Variants in C17orf75 observed in about 807,000 individuals in gnomAD.
C17orf75 encodes protein Njmu-R1.
Under a neutral mutation model 49.6 loss-of-function variants are expected in C17orf75, and 32 were observed. The ratio of observed to expected loss-of-function variants is 0.65; its 90% CI spans 0.49 to 0.87. The LOEUF is 0.87. Ranked by LOEUF, C17orf75 falls within the 40% of genes least tolerant of loss-of-function variation. C17orf75 has a pLI of 0.00. For synonymous variants in C17orf75, 158 were observed against 159.5 expected (o/e 0.99, Z 0.07); for missense variants, 428 against 473.9 (o/e 0.90, Z 0.90).
At position 32,329,106 on chromosome 17, in the gene C17orf75, G is replaced by A. The variant is rs1439102686; in HGVS notation, c.*2657C>T. ...TTTTGAGACGGAGTCTCGCTCTGTCGCCCAGGCTTGAGTGCAGTGGTGTGA... is the reference window on the plus strand; with the variant it reads ...TTTTGAGACGGAGTCTCGCTCTGTCACCCAGGCTTGAGTGCAGTGGTGTGA... On this transcript the variant is annotated 3_prime_UTR_variant, in exon 10 of 10. Coordinates refer to ENST00000577809, the MANE Select transcript of C17orf75 (RefSeq NM_022344.4). The A allele has an allele frequency of 2.0e-5, 3 of 148,470 alleles. No individual in the cohort carries two copies. The highest frequency in any genetic ancestry group is 4.5e-5 in the Non-Finnish European group (3 of 67,368). The allele number at this position is 148,470 out of a possible 1,614,324, so 9.2% of individuals were successfully genotyped here.
At chr17:32,347,307 T>C (rs968087368) in intron 1 of C17orf75, among the ~76,000 whole-genome samples, 2 of 151,252 alleles carry the variant, frequency 1.3e-5, no homozygotes, top group African/African-American at 4.9e-5. Flanking sequence ...AGATGGAGTT[T>C]CACTCTTATT....
At chr17:32,333,276 G>A (rs1365198913) in intron 9 of C17orf75, 141 bp downstream of exon 9, 2 of 629,008 alleles carry the variant, frequency 3.2e-6, no homozygotes, top group Non-Finnish European at 5.6e-6. Flanking sequence ...TAAAGTAAAT[G>A]TCTTCTGATA....
At chr17:32,341,811 CG>C in intron 1 of C17orf75, 188 bp downstream of exon 1, 1 of 1,061,538 alleles carries the variant, frequency 9.4e-7, no homozygotes, top group Non-Finnish European at 1.1e-6. Flanking sequence ...AAGTCCACGA[CG>C]GGGGCCAGGA....
Position 32,331,545 on chromosome 17 carries a change from C to T in C17orf75, c.*218G>A, listed in dbSNP as rs1597731691. 4.4e-6 allele frequency: 2 copies of T among 453,988 alleles called. No individual in the cohort carries two copies. The highest frequency in any genetic ancestry group is 7.8e-6 in the Non-Finnish European group (2 of 257,916). The allele number at this position is 453,988 out of a possible 1,614,324, so 28.1% of individuals were successfully genotyped here. ...TGGAATTTATGGGGCCAGTGAGACA[C>T]TAAAATTTCACAACTCTCACATACA... On this transcript the variant is annotated 3_prime_UTR_variant, in exon 10 of 10. Coordinates refer to ENST00000577809, the MANE Select transcript of C17orf75 (RefSeq NM_022344.4).
chr17:32,349,293 CTTTCTTA>C (rs936478520), intron 1 of C17orf75, among the ~76,000 whole-genome samples: 3 of 152,036 alleles, frequency 2.0e-5, no homozygotes, highest in African/African-American at 7.2e-5. Context: ...CTCAAGAAAC[CTTTCTTA>C]TGTCGGGCGC....
rs943245524 is a variant in C17orf75, at chr17:32,331,538, T to G, written c.*225A>C. The G allele has an allele frequency of 2.9e-5, 13 of 443,124 alleles. No homozygotes were observed. The highest frequency in any genetic ancestry group is 2.8e-4 in the East Asian group (8 of 28,510). 27.4% of individuals were successfully genotyped at this position (443,124 alleles called of 1,614,324 possible). On this transcript the variant is annotated 3_prime_UTR_variant, in exon 10 of 10. Coordinates refer to ENST00000577809, the MANE Select transcript of C17orf75 (RefSeq NM_022344.4). Reference sequence around the variant, plus strand: ...TGAAGCGTGGAATTTATGGGGCCAGTGAGACACTAAAATTTCACAACTCTC... The same window carrying G: ...TGAAGCGTGGAATTTATGGGGCCAGGGAGACACTAAAATTTCACAACTCTC...
At position 32,339,799 on chromosome 17, in the gene C17orf75, C is replaced by T. The variant is rs1452039053; in HGVS notation, c.347+14G>A. 3 of 1,613,202 alleles carry T rather than the reference C, an allele frequency of 1.9e-6. No individual in the cohort carries two copies. The highest frequency in any genetic ancestry group is 2.5e-6 in the Non-Finnish European group (3 of 1,179,652). Reference sequence around the variant, plus strand: ...AGAAATAAAAACTCAGGACACAGCACATTTTGCACTTACTTTAGCTCCACA... The same window carrying T: ...AGAAATAAAAACTCAGGACACAGCATATTTTGCACTTACTTTAGCTCCACA... On this transcript the variant is annotated intron_variant, in intron 3 of 9. Coordinates refer to ENST00000577809, the MANE Select transcript of C17orf75 (RefSeq NM_022344.4).
intron 2 of C17orf75, among the ~76,000 whole-genome samples, chr17:32,340,239 C>T (rs546624776): frequency 6.6e-6 from 1 of 152,352 alleles, no homozygotes; most frequent in South Asian, 2.1e-4. Context: ...TCACTTCCCT[C>T]CTTATTCTGC....
At chr17:32,337,836 C>T (rs1047455469) in intron 5 of C17orf75, 61 bp downstream of exon 5, 45 of 1,450,448 alleles carry the variant, frequency 3.1e-5, no homozygotes, top group Non-Finnish European at 3.7e-5. Flanking sequence ...GGATTACAGG[C>T]GTGAGCCACT....
upstream of C17orf75, chr17:32,343,629 G>C (rs899618082): frequency 2.5e-5 from 13 of 517,046 alleles, no homozygotes. Context: ...GAACAAGTGA[G>C]TATAGCAGTC....
rs2041278236 is a variant in C17orf75 at position 32,331,996 on chromosome 17, A to G, written c.976-18T>C. ...TGTATGGCCTAGAAAATGATTACCCAGTTAAAAATGTGTTAAGTGAAATAA... is the reference window on the plus strand; with the variant it reads ...TGTATGGCCTAGAAAATGATTACCCGGTTAAAAATGTGTTAAGTGAAATAA... On this transcript the variant is annotated intron_variant, in intron 9 of 9. Transcript: ENST00000577809. 6 of 1,583,424 alleles carry G rather than the reference A, an allele frequency of 3.8e-6. No individual in the cohort carries two copies. The highest frequency in any genetic ancestry group is 5.2e-6 in the Non-Finnish European group (6 of 1,157,828).
chr17:32,334,643 G>A (rs2041308902), intron 7 of C17orf75, 38 bp from the exon 8 acceptor site: 3 of 1,606,144 alleles, frequency 1.9e-6, no homozygotes, highest in African/African-American at 2.7e-5. Flanking sequence ...AAACAATATT[G>A]CAGGACGGAA....
chr17:32,342,177 C>T, upstream of C17orf75: 1 of 1,507,898 alleles, frequency 6.6e-7, no homozygotes. Context: ...CTCCGCCAAA[C>T]CGCTCCCCTG....
At chr17:32,341,307 T>C (rs768386839) in intron 1 of C17orf75, 23 bp from the exon 2 acceptor site, 35 of 1,612,918 alleles carry the variant, frequency 2.2e-5, no homozygotes, top group Non-Finnish European at 3.0e-5. Context: ...AAACCAATAG[T>C]GCTATCAATT....
At position 32,331,714 on chromosome 17, in the gene C17orf75, T is replaced by C. The variant is rs2041274947; in HGVS notation, c.*49A>G. 1 of 1,455,534 alleles carries C rather than the reference T, an allele frequency of 6.9e-7. No homozygotes were observed. Among genetic ancestry groups the C allele is most frequent in the African/African-American group, 1.4e-5 (1 of 71,560 alleles). 90.2% of individuals were successfully genotyped at this position (1,455,534 alleles called of 1,614,324 possible). On this transcript the variant is annotated 3_prime_UTR_variant, in exon 10 of 10. Transcript: ENST00000577809. Reference sequence around the variant, plus strand: ...CAATTATAACTGCAATTTCAAACACTAAGACTTAAATATACAACTTGATCA... The same window carrying C: ...CAATTATAACTGCAATTTCAAACACCAAGACTTAAATATACAACTTGATCA...
At chr17:32,348,454 C>T in intron 1 of C17orf75, among the ~76,000 whole-genome samples, 1 of 152,126 alleles carries the variant, frequency 6.6e-6, no homozygotes, top group Admixed American at 6.6e-5. Flanking sequence ...TGGCTCCTAC[C>T]CCAGAGGCTG....
At chr17:32,343,678 G>A, upstream of C17orf75, 1 of 552,146 alleles carries the variant, frequency 1.8e-6, no homozygotes, top group South Asian at 2.2e-5. Flanking sequence ...TTACTGCCAT[G>A]TCTTCATTCG....
upstream of C17orf75, among the ~76,000 whole-genome samples, chr17:32,344,819 C>T (rs770432475): frequency 2.3e-4 from 34 of 149,392 alleles, no homozygotes; most frequent in Non-Finnish European, 4.5e-4. Flanking sequence ...AGGCAGAAGA[C>T]TCACTTGAAC....
rs763147068 is a variant in C17orf75, at chr17:32,342,042, G to T, written c.98C>A (p.Pro33Gln). 3 of 1,551,446 alleles carry T rather than the reference G, an allele frequency of 1.9e-6. No homozygotes were observed. In the African/African-American group the frequency reaches 4.1e-5, roughly 21 times the overall value. Reference protein sequence around the residue: ...GSAEERRLEPPSSSHYCLYSY... With the variant: ...GSAEERRLEPQSSSHYCLYSY... ...GTAAAGACAGTAGTGGCTGCTGGAC[G>T]GCGGCTCGAGTCTCCGCTCCTCGGC... The change falls in exon 1 of 10, where the codon CCG becomes CAG. Residue 33 changes from proline (P) to glutamine (Q), a missense_variant. By Grantham distance (76) the Pro-to-Gln change is moderately conservative. Coordinates refer to ENST00000577809, the MANE Select transcript of C17orf75 (RefSeq NM_022344.4).
Sources: allele counts gnomAD v4.1 joint callset (sites outside exome capture counted in the v4.1 genomes callset), GRCh38; gene constraint gnomAD v4.1.1; transcripts MANE v1.5; gene names NCBI Gene and HGNC (gene_info 2026-07-23, HGNC 2026-07-21).